Variants in CABCOCO1 observed in about 807,000 individuals in gnomAD.
CABCOCO1 encodes the protein ciliary associated calcium binding coiled-coil 1, also known as ciliary-associated calcium-binding coiled-coil protein 1.
CABCOCO1 carries 28 observed loss-of-function variants against 35.7 expected under a neutral mutation model. The ratio of observed to expected loss-of-function variants is 0.78; its 90% CI spans 0.58 to 1.07. The LOEUF (loss-of-function observed/expected upper bound fraction) is 1.07, where lower values mean the gene tolerates loss of function less well. Among genes scored for constraint, CABCOCO1 ranks in the 50% least tolerant of loss-of-function variants. The probability of loss-of-function intolerance (pLI) is 0.00; values close to 1 mark genes in which losing one functional copy is unlikely to be tolerated. For missense variants in CABCOCO1, 326 were observed against 309.2 expected, an observed-to-expected ratio of 1.05 and a Z score of -0.41; for synonymous variants, 95 against 100.1, an observed-to-expected ratio of 0.95 and a Z score of 0.30.
intron 5 of CABCOCO1, among the ~76,000 whole-genome samples, chr10:61,744,130 G>A (rs537309526): frequency 1.3e-5 from 2 of 152,108 alleles, no homozygotes; most frequent in Non-Finnish European, 2.9e-5. Flanking sequence ...AAAATATAAA[G>A]TTCCTTGTTT....
chr10:61,711,173 C>A (rs1180735711), intron 5 of CABCOCO1, among the ~76,000 whole-genome samples: 2 of 151,832 alleles, frequency 1.3e-5, no homozygotes, highest in Non-Finnish European at 2.9e-5. Context: ...TCACATTAAA[C>A]ATAACACCCC....
chr10:61,690,682 ATC>A, intron 5 of CABCOCO1, 61 bp downstream of exon 5: 1 of 1,108,220 alleles, frequency 9.0e-7, no homozygotes, highest in Non-Finnish European at 1.3e-6. Flanking sequence ...GCTGATCAGC[ATC>A]TGGATCTTTA....
At chr10:61,680,087 G>C (rs1179917525) in intron 2 of CABCOCO1, among the ~76,000 whole-genome samples, 1 of 151,758 alleles carries the variant, frequency 6.6e-6, no homozygotes, top group Non-Finnish European at 1.5e-5. Flanking sequence ...AAGGCGGGCA[G>C]ATCACTTGAG....
rs1840136008 is a variant in CABCOCO1 at position 61,691,406 on chromosome 10, T to A, written c.552+785T>A. ...CAATGAAAGGTCTATCTGGAGACAC[T>A]TTCAAACAAACTTACTTATAATCAC... On this transcript the variant is annotated intron_variant, in intron 5 of 7. Transcript: ENST00000648843. Among the ~76,000 whole-genome samples the A allele has an allele frequency of 2.0e-5, 3 of 152,220 alleles. No homozygotes were observed. The South Asian group carries it at 6.2e-4, about 32-fold the overall frequency.
At chr10:61,761,303 A>G (rs1444894357) in intron 7 of CABCOCO1, among the ~76,000 whole-genome samples, 6 of 152,050 alleles carry the variant, frequency 3.9e-5, no homozygotes, top group African/African-American at 1.4e-4. Flanking sequence ...TTGCTTATGC[A>G]AAAGGAATTG....
intron 5 of CABCOCO1, among the ~76,000 whole-genome samples, chr10:61,753,702 A>G (rs1841840411): frequency 6.6e-6 from 1 of 152,150 alleles, no homozygotes; most frequent in African/African-American, 2.4e-5. Context: ...AGTTAGGTGT[A>G]AACACTCTCC....
chr10:61,710,331 A>T (rs906723090), intron 5 of CABCOCO1, among the ~76,000 whole-genome samples: 1 of 151,522 alleles, frequency 6.6e-6, no homozygotes, highest in African/African-American at 2.4e-5. Context: ...TAGAGACATC[A>T]TTATAATAGC....
At chr10:61,704,874 G>T (rs902699785) in intron 5 of CABCOCO1, among the ~76,000 whole-genome samples, 1 of 138,958 alleles carries the variant, frequency 7.2e-6, no homozygotes. Flanking sequence ...CTAGCCTCCT[G>T]TTGTTGCTCT....
At chr10:61,728,877 T>C (rs540315392) in intron 5 of CABCOCO1, among the ~76,000 whole-genome samples, 10 of 152,302 alleles carry the variant, frequency 6.6e-5, no homozygotes, top group Non-Finnish European at 1.3e-4. Context: ...CTTGAAGTCA[T>C]GGCTGGGGCA....
chr10:61,765,021 GT>G (rs1308054284), intron 7 of CABCOCO1, among the ~76,000 whole-genome samples: 1 of 151,806 alleles, frequency 6.6e-6, no homozygotes, highest in East Asian at 1.9e-4. Context: ...ATAATAAAAG[GT>G]TTGCAAAGTA....
intron 2 of CABCOCO1, among the ~76,000 whole-genome samples, chr10:61,676,701 A>G (rs561230582): frequency 2.0e-4 from 30 of 151,814 alleles, no homozygotes; most frequent in African/African-American, 7.2e-4. Context: ...AACTTAAAAG[A>G]AAAAGTAACC....
chr10:61,722,058 C>A (rs979529165), intron 5 of CABCOCO1, among the ~76,000 whole-genome samples: 7 of 152,196 alleles, frequency 4.6e-5, no homozygotes, highest in Admixed American at 3.9e-4. Flanking sequence ...TATTTGTTGT[C>A]AATTGGATGA....
chr10:61,697,815 T>C (rs1267419813), intron 5 of CABCOCO1, among the ~76,000 whole-genome samples: 1 of 152,092 alleles, frequency 6.6e-6, no homozygotes, highest in Non-Finnish European at 1.5e-5. Context: ...ATCTGGGTTT[T>C]TACAAGACGA....
chr10:61,690,529 A>C lies in CABCOCO1; in HGVS notation c.480-20A>C. The C allele has an allele frequency of 6.6e-7, 1 of 1,526,286 alleles. No individual in the cohort carries two copies. The highest frequency in any genetic ancestry group is 9.0e-7 in the Non-Finnish European group (1 of 1,108,796). 94.5% of individuals were successfully genotyped at this position (1,526,286 alleles called of 1,614,324 possible). A position where few individuals can be genotyped will look rare whatever the true frequency, so the allele number is the denominator to read the frequency against. On this transcript the variant is annotated intron_variant, in intron 4 of 7. Coordinates refer to ENST00000648843, the MANE Select transcript of CABCOCO1 (RefSeq NM_001366906.2). ...TCCTGAAATCAACTTATCAGAGTGC[A>C]CATTTATTTTATATTTCAGCTTATT... is the stretch of plus-strand genomic sequence containing the variant.
intron 5 of CABCOCO1, among the ~76,000 whole-genome samples, chr10:61,698,350 G>T (rs1269010847): frequency 6.6e-6 from 1 of 152,114 alleles, no homozygotes; most frequent in Non-Finnish European, 1.5e-5. Flanking sequence ...CATTCACATT[G>T]CAGTCCATGT....
intron 2 of CABCOCO1, among the ~76,000 whole-genome samples, chr10:61,674,209 T>A (rs1391440396): frequency 6.6e-6 from 1 of 152,210 alleles, no homozygotes; most frequent in Non-Finnish European, 1.5e-5. Flanking sequence ...TTAAAATTAT[T>A]GGCTCTCTTT....
At chr10:61,687,245 A>G (rs987579477) in intron 4 of CABCOCO1, among the ~76,000 whole-genome samples, 6 of 152,228 alleles carry the variant, frequency 3.9e-5, no homozygotes, top group Non-Finnish European at 8.8e-5. Context: ...CCTAAGGGGT[A>G]TCTCTCAATA....
chr10:61,721,858 A>T (rs1044036930), intron 5 of CABCOCO1, among the ~76,000 whole-genome samples: 24 of 152,190 alleles, frequency 1.6e-4, no homozygotes, highest in Non-Finnish European at 8.8e-5. Flanking sequence ...TGTGAAGAGA[A>T]GGGGGAAGAA....
intron 5 of CABCOCO1, among the ~76,000 whole-genome samples, chr10:61,706,443 T>C (rs1466458173): frequency 6.6e-6 from 1 of 152,210 alleles, no homozygotes; most frequent in Non-Finnish European, 1.5e-5. Flanking sequence ...ACTCTTTGGC[T>C]GAATTCTGAA....
Sources: allele counts gnomAD v4.1 joint callset (sites outside exome capture counted in the v4.1 genomes callset), GRCh38; gene constraint gnomAD v4.1.1; transcripts MANE v1.5; gene names NCBI Gene and HGNC (gene_info 2026-07-23, HGNC 2026-07-21).